Variants in CDK20 observed in about 807,000 individuals in gnomAD.
The protein encoded by CDK20 is cyclin dependent kinase 20, also known as cyclin-dependent kinase 20.
In CDK20, 40 loss-of-function variants were observed where a neutral mutation model predicts 38.6. That is an observed-to-expected ratio of 1.04 (90% CI 0.81 to 1.35). The LOEUF (loss-of-function observed/expected upper bound fraction) is 1.35, where lower values mean the gene tolerates loss of function less well. Ranked by LOEUF, CDK20 falls within the 40% of genes most tolerant of loss-of-function variation. CDK20 has a pLI of 0.00. For synonymous variants in CDK20, 209 were observed against 185.7 expected, an observed-to-expected ratio of 1.13 and a Z score of -1.02; for missense variants, 512 against 452.6, an observed-to-expected ratio of 1.13 and a Z score of -1.19.
chr9:87,973,877 G>C (rs762440547), intron 2 of CDK20, 45 bp downstream of exon 2: 8 of 1,582,946 alleles, frequency 5.1e-6, no homozygotes, highest in African/African-American at 4.0e-5. Flanking sequence ...AAGTGGGAAC[G>C]AGCGACTGAG....
At chr9:87,974,135 C>A in intron 1 of CDK20, 100 bp from the exon 2 acceptor site, 1 of 1,581,274 alleles carries the variant, frequency 6.3e-7, no homozygotes, top group South Asian at 1.1e-5. Context: ...CACGCGCCCC[C>A]GGCTCGGCCA....
intron 5 of CDK20, 158 bp downstream of exon 5, chr9:87,970,410 C>G (rs1829763421): frequency 1.5e-6 from 1 of 671,168 alleles, no homozygotes; most frequent in African/African-American, 1.8e-5. Context: ...GTGAGGAACC[C>G]CAACCCCAAA....
chr9:87,966,877 C>T lies in CDK20; in HGVS notation c.*585G>A. 2.7e-6 allele frequency: 1 copy of T among 371,346 alleles called. No individual in the cohort carries two copies. The highest frequency in any genetic ancestry group is 2.0e-5 in the South Asian group (1 of 49,474). The allele number at this position is 371,346 out of a possible 1,614,324, so 23.0% of individuals were successfully genotyped here. On this transcript the variant is annotated 3_prime_UTR_variant, in exon 8 of 8. Transcript: ENST00000325303. ...AAAAGTGGCTATGCCTGGTGCTACC[C>T]TCCCCATGACCCCAAAAACGAGAGC...
chr9:87,973,920 A>C lies in CDK20; in HGVS notation c.189+2T>G. Reference sequence around the variant, plus strand: ...ATACCATGCCCCCCCTCCCCTACTCACATACTGATTGTCCTCCATCTCCTG... The same window carrying C: ...ATACCATGCCCCCCCTCCCCTACTCCCATACTGATTGTCCTCCATCTCCTG... On this transcript the variant is annotated splice_donor_variant, in intron 2 of 7. Transcript: ENST00000325303. LOFTEE classifies it high-confidence loss of function. 6 of 1,613,624 alleles carry C rather than the reference A, an allele frequency of 3.7e-6. No individual in the cohort carries two copies. The highest frequency in any genetic ancestry group is 4.2e-6 in the Non-Finnish European group (5 of 1,179,810).
At position 87,969,365 on chromosome 9, in the gene CDK20, G is replaced by T. The variant is rs1268074665; in HGVS notation, c.688-16C>A. On this transcript the variant is annotated splice_polypyrimidine_tract_variant and intron_variant, in intron 6 of 7. Coordinates refer to ENST00000325303, the MANE Select transcript of CDK20 (RefSeq NM_001039803.3). ...CAGTGAGCTCCTGGGCCAGGGAGAA[G>T]GAACAGGGTACAATGAGAGTAGTTC... 6.2e-7 allele frequency: 1 copy of T among 1,613,268 alleles called. No individual in the cohort carries two copies. Among genetic ancestry groups the T allele is most frequent in the Admixed American group, 1.7e-5 (1 of 59,982 alleles).
intron 5 of CDK20, chr9:87,970,262 G>C (rs1829754280): frequency 1.3e-5 from 6 of 466,886 alleles, no homozygotes; most frequent in Non-Finnish European, 1.9e-5. Flanking sequence ...CCTCTGACCA[G>C]CTCAGAGATG....
chr9:87,967,653 G>A lies in CDK20; in HGVS notation c.850C>T (p.Leu284Phe). The A allele has an allele frequency of 1.4e-6, 2 of 1,477,720 alleles. No homozygotes were observed. Among genetic ancestry groups the A allele is most frequent in the South Asian group, 2.8e-5 (2 of 71,088 alleles). 91.5% of individuals were successfully genotyped at this position (1,477,720 alleles called of 1,614,324 possible). A position where few individuals can be genotyped will look rare whatever the true frequency, so the allele number is the denominator to read the frequency against. The change falls in exon 8 of 8, where the codon CTC becomes TTC. Residue 284 changes from leucine (L) to phenylalanine (F), a missense_variant. Coordinates refer to ENST00000325303, the MANE Select transcript of CDK20 (RefSeq NM_001039803.3). ...GGAGCTGTGAAGAAGTACTGATGGA[G>A]GAGAGCCTGAGGGTGGCAAGTAAGG... The part of the protein sequence containing the change: ...HQRIAASKAL[L>F]HQYFFTAPLP...
At chr9:87,970,930 A>C (rs1260011147) in intron 3 of CDK20, 33 bp from the exon 4 acceptor site, 2 of 1,613,712 alleles carry the variant, frequency 1.2e-6, no homozygotes, top group Non-Finnish European at 1.7e-6. Context: ...CAGTCCCTCC[A>C]AATCCCCCAT....
rs1690968167 is a variant in CDK20, at chr9:87,969,881, G to C, written c.602C>G (p.Ser201Cys). 6.2e-7 allele frequency: 1 copy of C among 1,600,238 alleles called. No homozygotes were observed. Among genetic ancestry groups the C allele is most frequent in the Non-Finnish European group, 8.5e-7 (1 of 1,172,508 alleles). The change falls in exon 6 of 8, where the codon TCC becomes TGC. Residue 201 changes from serine to cysteine, a missense_variant. Transcript: ENST00000325303. The stretch of plus-strand genomic sequence containing the variant: ...ATCGTTCTTGCCCGGGAAAAGGGGG[G>C]ACCCATTCAACAGCTCCCCCATGAT... ...GCIMGELLNGSPLFPGKNDIE... is the reference protein window; with the variant it reads ...GCIMGELLNGCPLFPGKNDIE...
intron 2 of CDK20, among the ~76,000 whole-genome samples, chr9:87,972,983 A>C (rs1209974741): frequency 6.6e-6 from 1 of 152,240 alleles, no homozygotes; most frequent in African/African-American, 2.4e-5. Context: ...AAAATCCTAC[A>C]GTCAATCTTA....
At chr9:87,973,697 A>C (rs1830021011) in intron 2 of CDK20, among the ~76,000 whole-genome samples, 1 of 152,226 alleles carries the variant, frequency 6.6e-6, no homozygotes. Context: ...TAGGCAAATG[A>C]GAGTGAATGT....
At chr9:87,970,087 A>C in intron 5 of CDK20, 168 bp from the exon 6 acceptor site, 1 of 670,764 alleles carries the variant, frequency 1.5e-6, no homozygotes, top group Non-Finnish European at 2.3e-6. Context: ...CAACCCTAGA[A>C]CCCAGAGCAA....
chr9:87,974,240 G>A, intron 1 of CDK20, 132 bp downstream of exon 1: 1 of 1,222,670 alleles, frequency 8.2e-7, no homozygotes, highest in South Asian at 1.4e-5. Flanking sequence ...ACGGCCCAAA[G>A]TAGGTTTAGA....
Position 87,971,272 on chromosome 9 carries a change from G to T in CDK20, c.253C>A (p.Leu85Met). The T allele has an allele frequency of 6.2e-7, 1 of 1,614,102 alleles. No individual in the cohort carries two copies. Among genetic ancestry groups the T allele is most frequent in the Non-Finnish European group, 8.5e-7 (1 of 1,179,994 alleles). Residue 85 changes from leucine to methionine, a missense_variant, in exon 3 of 8, where the codon CTG (leucine) becomes ATG (methionine). Leu to Met is a conservative substitution (Grantham distance 15). Transcript: ENST00000325303. ...GGFVLAFEFM[L>M]SDLAEVVRHA... ...CGCACCACCTCGGCCAGATCCGACAGCATGAACTCAAAGGCCAGCACAAAG... is the reference window on the plus strand; with the variant it reads ...CGCACCACCTCGGCCAGATCCGACATCATGAACTCAAAGGCCAGCACAAAG...
rs762637955 is a variant in CDK20 at position 87,973,908 on chromosome 9, C to T, written c.189+14G>A. On this transcript the variant is annotated intron_variant, in intron 2 of 7. Transcript: ENST00000325303. ...CTGAGGGTGAGAATACCATGCCCCC[C>T]CTCCCCTACTCACATACTGATTGTC... 6.8e-6 allele frequency: 11 copies of T among 1,610,952 alleles called. No individual in the cohort carries two copies. Among genetic ancestry groups the T allele is most frequent in the Admixed American group, 5.0e-5 (3 of 59,796 alleles).
At chr9:87,974,194 G>T in intron 1 of CDK20, 159 bp from the exon 2 acceptor site, 1 of 1,345,592 alleles carries the variant, frequency 7.4e-7, no homozygotes, top group Non-Finnish European at 1.0e-6. Flanking sequence ...AGCCGCTGGG[G>T]TAGGGGACCA....
intron 7 of CDK20, chr9:87,968,921 C>G (rs1013466881): frequency 2.1e-6 from 1 of 465,198 alleles, no homozygotes; most frequent in Non-Finnish European, 3.9e-6. Flanking sequence ...GAAACCTGCA[C>G]TCCCGGACAC....
At position 87,973,979 on chromosome 9, in the gene CDK20, G is replaced by A. The variant is rs754273291; in HGVS notation, c.132C>T (p.Phe44=). 9.3e-6 allele frequency: 15 copies of A among 1,614,176 alleles called. No homozygotes were observed. The South Asian group carries it at 1.3e-4, about 14-fold the overall frequency. Residue 44 remains phenylalanine (F), a synonymous_variant, in exon 2 of 8, where the codon TTC becomes TTT. Transcript: ENST00000325303. ...KVALRRLEDG[F]PNQALREIKA... ...TAATCTCCCGCAGGGCCTGGTTAGG[G>A]AAGCCGTCCTCCAACCGCCTTAGGG...
rs138136908 is a variant in CDK20 at position 87,974,402 on chromosome 9, G to A, written c.45C>T (p.His15=). 1.9e-6 allele frequency: 3 copies of A among 1,612,888 alleles called. No homozygotes were observed. In the South Asian group the frequency reaches 3.3e-5, roughly 18 times the overall value. Residue 15 remains histidine (H), a synonymous_variant, in exon 1 of 8, where the codon CAC becomes CAT. Coordinates refer to ENST00000325303, the MANE Select transcript of CDK20 (RefSeq NM_001039803.3). ...CGTGCTTGGCCTTGAAGACGATGCC[G>A]TGGGCGCCCTCCCCGATGCGGCCCA... The part of the protein sequence containing the change: ...CILGRIGEGA[H]GIVFKAKHVE...
Sources: gnomAD v4.1 joint callset for allele counts (sites outside exome capture counted in the v4.1 genomes callset) on GRCh38, gnomAD v4.1.1 for gene constraint, MANE v1.5 for transcripts, NCBI Gene and HGNC (gene_info 2026-07-23, HGNC 2026-07-21) for gene names.